The following RBFOX3 variants were observed in gnomAD, a reference collection of about 807,000 sequenced individuals.
RBFOX3 encodes RNA binding fox-1 homolog 3.
RBFOX3 carries 17 observed loss-of-function variants against 48.7 expected under a neutral mutation model. The ratio of observed to expected loss-of-function variants is 0.35; its 90% CI spans 0.24 to 0.52. RBFOX3 has a LOEUF of 0.52. Ranked by LOEUF, RBFOX3 falls within the 20% of genes least tolerant of loss-of-function variation. The probability of loss-of-function intolerance (pLI) is 0.94; values close to 1 mark genes in which losing one functional copy is unlikely to be tolerated. For synonymous variants in RBFOX3, 212 were observed against 209.5 expected (o/e 1.01, Z -0.10); for missense variants, 382 against 497.5 (o/e 0.77, Z 2.21).
chr17:79,616,640 G>A, the RBFOX3 span, among the ~76,000 whole-genome samples: 10 of 150,548 alleles, frequency 6.6e-5, no homozygotes, highest in East Asian at 5.9e-4. Flanking sequence ...TGCCAGGCCT[G>A]CTACCGCTGT....
At chr17:79,360,233 G>A (rs527907332) in intron 2 of RBFOX3, among the ~76,000 whole-genome samples, 66 of 152,184 alleles carry the variant, frequency 4.3e-4, no homozygotes, top group Non-Finnish European at 7.6e-4. Context: ...CCCTTACAAC[G>A]ATATCGATAT....
At chr17:79,601,898 G>A (rs1172987267) in intron 1 of RBFOX3, 1 of 152,216 alleles carries the variant, frequency 6.6e-6, no homozygotes, top group East Asian at 1.9e-4. Flanking sequence ...GCCTGGGCAA[G>A]TCAGGAAAGT....
intron 5 of RBFOX3, among the ~76,000 whole-genome samples, chr17:79,114,680 C>T (rs1048482937): frequency 2.6e-5 from 4 of 152,190 alleles, no homozygotes; most frequent in African/African-American, 9.7e-5. Context: ...TGCCCAGCCC[C>T]GCCAGCTAGC....
the RBFOX3 span, among the ~76,000 whole-genome samples, chr17:79,649,714 AG>A: frequency 6.6e-6 from 1 of 152,126 alleles, no homozygotes; most frequent in Non-Finnish European, 1.5e-5. Context: ...AAAGAAAAAA[AG>A]AAATACTTGA....
intron 5 of RBFOX3, among the ~76,000 whole-genome samples, chr17:79,112,914 G>GGC: frequency 9.6e-6 from 1 of 103,762 alleles, no homozygotes; most frequent in Non-Finnish European, 2.1e-5. Flanking sequence ...CGGGGGGGGG[G>GGC]TGGGCTGGGT....
At chr17:79,524,327 G>A (rs1259221403) in intron 1 of RBFOX3, among the ~76,000 whole-genome samples, 1 of 152,182 alleles carries the variant, frequency 6.6e-6, no homozygotes, top group Non-Finnish European at 1.5e-5. Context: ...CAGCATTCAA[G>A]CAGGCAAACA....
At chr17:79,629,662 T>A in the RBFOX3 span, among the ~76,000 whole-genome samples, 1 of 152,138 alleles carries the variant, frequency 6.6e-6, no homozygotes, top group African/African-American at 2.4e-5. Flanking sequence ...AAGGAGAAAC[T>A]CAGGAACAAA....
At chr17:79,523,279 G>A (rs1010000487) in intron 1 of RBFOX3, among the ~76,000 whole-genome samples, 4 of 152,116 alleles carry the variant, frequency 2.6e-5, no homozygotes, top group Non-Finnish European at 5.9e-5. Context: ...ACTTCTAAAC[G>A]GTTACGACGG....
At chr17:79,326,060 C>T (rs929172007) in intron 2 of RBFOX3, among the ~76,000 whole-genome samples, 3 of 152,180 alleles carry the variant, frequency 2.0e-5, no homozygotes, top group Admixed American at 1.3e-4. Flanking sequence ...TTCCTACCAC[C>T]GAAAGGCGCA....
At chr17:79,093,365 C>G (rs67434893) in intron 14 of RBFOX3, among the ~76,000 whole-genome samples, 1 of 150,908 alleles carries the variant, frequency 6.6e-6, no homozygotes, top group Non-Finnish European at 1.5e-5. Flanking sequence ...CTTAAAAATA[C>G]AAAGTGAAAA....
rs921028678 is a variant in RBFOX3 at position 79,242,776 on chromosome 17, G to A, written c.-73-6971C>T. 6.6e-6 allele frequency among the ~76,000 whole-genome samples: 1 copy of A among 152,172 alleles called. No homozygotes were observed. The highest frequency in any genetic ancestry group is 1.5e-5 in the Non-Finnish European group (1 of 68,020). ...CACCCCCTTACTGGGCCTCCACAGG[G>A]CAGCAGGGCAGGGCTTAGGGGTTAT... On this transcript the variant is annotated intron_variant, in intron 3 of 14. Transcript: ENST00000693108. The surrounding 1 kb of genome is among the most constrained non-coding windows in gnomAD (Gnocchi z 5.8).
chr17:79,161,002 A>G (rs2046870859), intron 4 of RBFOX3, among the ~76,000 whole-genome samples: 1 of 152,058 alleles, frequency 6.6e-6, no homozygotes, highest in African/African-American at 2.4e-5. Flanking sequence ...AAAAAACAAA[A>G]AAGTCTCGTG....
intron 1 of RBFOX3, among the ~76,000 whole-genome samples, chr17:79,514,053 C>T (rs2084900881): frequency 6.6e-6 from 1 of 152,186 alleles, no homozygotes; most frequent in Admixed American, 6.5e-5. Flanking sequence ...CCAGGCCAAT[C>T]GGTGTACTTT....
In RBFOX3 at chr17:79,204,349, T is replaced by C. The variant is rs1348174961; in HGVS notation, c.-34+31417A>G. 6.6e-6 allele frequency among the ~76,000 whole-genome samples: 1 copy of C among 151,486 alleles called. No homozygotes were observed. Among genetic ancestry groups the C allele is most frequent in the African/African-American group, 2.4e-5 (1 of 41,146 alleles). On this transcript the variant is annotated intron_variant, in intron 4 of 14. Coordinates refer to ENST00000693108, the MANE Select transcript of RBFOX3 (RefSeq NM_001350451.2). This position sits in a 1 kb window ranked among gnomAD's most constrained non-coding sequence, Gnocchi z 4.5. Reference sequence around the variant, plus strand: ...AGCGGGTGCCGGGGAGCAGGGGGCGTAGGTGGGGTTGGGGCAGAATGTAAG... The same window carrying C: ...AGCGGGTGCCGGGGAGCAGGGGGCGCAGGTGGGGTTGGGGCAGAATGTAAG...
At chr17:79,134,137 C>T (rs913138050) in intron 4 of RBFOX3, among the ~76,000 whole-genome samples, 1 of 152,200 alleles carries the variant, frequency 6.6e-6, no homozygotes, top group African/African-American at 2.4e-5. Flanking sequence ...TGGGACGTTC[C>T]CCTGTCCCTC....
At chr17:79,181,056 G>A (rs965468876) in intron 4 of RBFOX3, among the ~76,000 whole-genome samples, 8 of 152,180 alleles carry the variant, frequency 5.3e-5, no homozygotes, top group African/African-American at 1.9e-4. Flanking sequence ...TAATTCTACC[G>A]AGACAGCGCC....
chr17:79,129,676 AGTGGT>A (rs2038302790), intron 4 of RBFOX3, among the ~76,000 whole-genome samples: 1 of 152,236 alleles, frequency 6.6e-6, no homozygotes, highest in Admixed American at 6.5e-5. Context: ...GGGGAGAGGT[AGTGGT>A]GTGCTGGTAA....
chr17:79,255,222 C>CGTGTGTGT lies in RBFOX3; in HGVS notation c.-73-19425_-73-19418dup, dbSNP rs142604866. Among the ~76,000 whole-genome samples, 282 of 147,518 alleles carry CGTGTGTGT rather than the reference C, an allele frequency of 1.9e-3. 2 individuals carry two copies. The highest frequency in any genetic ancestry group is 0.013 in the East Asian group (64 of 4,926). Reference sequence around the variant, plus strand: ...GAGTGGCCCTGTGGTCACATGTGTGCGTGTGTGTGTGTGTGTGTGTGTGTG... The same window carrying CGTGTGTGT: ...GAGTGGCCCTGTGGTCACATGTGTGCGTGTGTGTGTGTGTGTGTGTGTGTGTGTGTGTG... On this transcript the variant is annotated intron_variant, in intron 3 of 14. Transcript: ENST00000693108.
chr17:79,284,836 A>G (rs9892321), intron 3 of RBFOX3, among the ~76,000 whole-genome samples: 83,428 of 151,978 alleles, frequency 0.55, 23,363 homozygotes, highest in African/African-American at 0.65. Context: ...CACTGTGCCC[A>G]GCCAGCCTTC....
Sources: allele counts gnomAD v4.1 joint callset (sites outside exome capture counted in the v4.1 genomes callset), GRCh38; gene constraint gnomAD v4.1.1; non-coding constraint Gnocchi (gnomAD v3.1); transcripts MANE v1.5; gene names NCBI Gene and HGNC (gene_info 2026-07-23, HGNC 2026-07-21).